SPIN1: variants seen among roughly 807,000 people sequenced by gnomAD.
The protein encoded by SPIN1 is spindlin-1.
SPIN1 carries 3 observed loss-of-function variants against 26.0 expected under a neutral mutation model. That is an observed-to-expected ratio of 0.12 (90% CI 0.05 to 0.30). The LOEUF (loss-of-function observed/expected upper bound fraction) is 0.30. Among genes scored for constraint, SPIN1 ranks in the 10% least tolerant of loss-of-function variants. The pLI, the probability that SPIN1 is intolerant of heterozygous loss-of-function variation, is 1.00. For missense variants in SPIN1, 126 were observed against 333.4 expected (o/e 0.38, Z 4.84); for synonymous variants, 101 against 116.5 (o/e 0.87, Z 0.86).
intron 1 of SPIN1, among the ~76,000 whole-genome samples, chr9:88,398,565 A>G (rs1827118264): frequency 6.6e-6 from 1 of 151,902 alleles, no homozygotes; most frequent in Non-Finnish European, 1.5e-5. Flanking sequence ...ATTAAGTAAC[A>G]ATTTGTTGAC....
chr9:88,431,131 C>T (rs752867890), intron 2 of SPIN1, among the ~76,000 whole-genome samples: 22 of 151,966 alleles, frequency 1.4e-4, no homozygotes, highest in Non-Finnish European at 2.9e-4. Context: ...GTGATCTGCC[C>T]GCCTCGGCCT....
chr9:88,426,683 T>C, intron 2 of SPIN1, 92 bp downstream of exon 2: 1 of 1,119,578 alleles, frequency 8.9e-7, no homozygotes, highest in Non-Finnish European at 1.3e-6. Context: ...ACATAATAGC[T>C]AGTGAAAAAC....
chr9:88,436,174 A>G (rs1284985620), intron 2 of SPIN1, among the ~76,000 whole-genome samples: 1 of 152,078 alleles, frequency 6.6e-6, no homozygotes, highest in East Asian at 1.9e-4. Flanking sequence ...GGTTCAAGTG[A>G]TCCTCCTGCC....
intron 3 of SPIN1, among the ~76,000 whole-genome samples, chr9:88,460,753 A>G (rs1031941856): frequency 6.6e-6 from 1 of 152,188 alleles, no homozygotes; most frequent in Non-Finnish European, 1.5e-5. Flanking sequence ...GACAGAATGG[A>G]TTATGGCCAC....
intron 5 of SPIN1, 81 bp from the exon 6 acceptor site, chr9:88,474,997 T>G: frequency 1.5e-6 from 2 of 1,307,342 alleles, no homozygotes; most frequent in Non-Finnish European, 2.0e-6. Context: ...AAAATAAATA[T>G]GTGAGTTGAT....
chr9:88,470,541 T>A (rs768939717), intron 5 of SPIN1, among the ~76,000 whole-genome samples: 6 of 152,202 alleles, frequency 3.9e-5, no homozygotes, highest in Admixed American at 6.5e-5. Context: ...TGGCTTTGAT[T>A]TGCATTTCCC....
chr9:88,429,976 T>C (rs182425042), intron 2 of SPIN1, among the ~76,000 whole-genome samples: 5 of 152,288 alleles, frequency 3.3e-5, no homozygotes, highest in Non-Finnish European at 7.4e-5. Flanking sequence ...TACAGAAGTA[T>C]AGCCTATTTT....
At chr9:88,456,993 TA>T (rs1320735887) in intron 3 of SPIN1, among the ~76,000 whole-genome samples, 1 of 152,044 alleles carries the variant, frequency 6.6e-6, no homozygotes, top group Non-Finnish European at 1.5e-5. Context: ...AAGTAGAGTT[TA>T]CTTAATTCAC....
chr9:88,407,802 C>T (rs888475566), intron 1 of SPIN1, among the ~76,000 whole-genome samples: 3 of 150,540 alleles, frequency 2.0e-5, no homozygotes, highest in African/African-American at 7.4e-5. Context: ...GCTCTGTCAC[C>T]CAGGCTGGAG....
intron 1 of SPIN1, among the ~76,000 whole-genome samples, chr9:88,413,981 G>A (rs780292354): frequency 2.0e-5 from 3 of 151,640 alleles, no homozygotes; most frequent in Non-Finnish European, 2.9e-5. Context: ...AATTCAGTTA[G>A]GATGACTCAC....
intron 5 of SPIN1, 52 bp downstream of exon 5, chr9:88,468,657 T>TG: frequency 8.6e-7 from 1 of 1,161,848 alleles, no homozygotes; most frequent in Non-Finnish European, 1.1e-6. Context: ...GGATTTGGAC[T>TG]TCAGTACAAG....
At chr9:88,462,114 CAT>C (rs1331322169) in intron 3 of SPIN1, among the ~76,000 whole-genome samples, 1 of 152,096 alleles carries the variant, frequency 6.6e-6, no homozygotes, top group Non-Finnish European at 1.5e-5. Flanking sequence ...TTATTGATAA[CAT>C]GTATTTCACG....
chr9:88,415,571 AC>A (rs1190232127), intron 1 of SPIN1: 1 of 151,934 alleles, frequency 6.6e-6, no homozygotes, highest in East Asian at 1.9e-4. Context: ...ATGCACCACC[AC>A]ACTTGGCTAA....
intron 1 of SPIN1, among the ~76,000 whole-genome samples, chr9:88,393,641 A>G (rs1294175701): frequency 6.6e-6 from 1 of 151,418 alleles, no homozygotes; most frequent in African/African-American, 2.4e-5. Context: ...TTTTTAGTAG[A>G]GACGGGGGTT....
intron 1 of SPIN1, among the ~76,000 whole-genome samples, chr9:88,397,812 C>T (rs1827098593): frequency 1.3e-5 from 2 of 150,478 alleles, no homozygotes; most frequent in African/African-American, 4.9e-5. Flanking sequence ...TTAGTAGAGA[C>T]AGGGTTTCAC....
intron 1 of SPIN1, among the ~76,000 whole-genome samples, chr9:88,412,369 T>C (rs1587781690): frequency 6.6e-6 from 1 of 152,178 alleles, no homozygotes; most frequent in African/African-American, 2.4e-5. Context: ...AATTTTACTT[T>C]AATTTTGTAG....
intron 3 of SPIN1, among the ~76,000 whole-genome samples, chr9:88,456,529 G>A (rs1179088493): frequency 1.3e-5 from 2 of 152,166 alleles, no homozygotes; most frequent in Non-Finnish European, 2.9e-5. Flanking sequence ...AATTGGCATT[G>A]GAACAGAAGA....
intron 2 of SPIN1, among the ~76,000 whole-genome samples, chr9:88,447,073 A>G (rs182118155): frequency 3.0e-4 from 46 of 152,244 alleles, no homozygotes; most frequent in African/African-American, 1.1e-3. Context: ...ATATTGTCCT[A>G]AAGGTCACTG....
intron 2 of SPIN1, among the ~76,000 whole-genome samples, chr9:88,432,802 T>A (rs1179493951): frequency 6.6e-6 from 1 of 152,146 alleles, no homozygotes; most frequent in Admixed American, 6.5e-5. Flanking sequence ...TCCCATTCTC[T>A]GGGGGAGCTT....
Sources: gnomAD v4.1 joint callset for allele counts (sites outside exome capture counted in the v4.1 genomes callset) on GRCh38, gnomAD v4.1.1 for gene constraint, MANE v1.5 for transcripts, NCBI Gene and HGNC (gene_info 2026-07-23, HGNC 2026-07-21) for gene names.